The following RNASEH1 variants were observed in gnomAD, a reference collection of about 807,000 sequenced individuals.
RNASEH1 encodes the protein ribonuclease H type II.
Under a neutral mutation model 34.6 loss-of-function variants are expected in RNASEH1, and 27 were observed. The ratio of observed to expected loss-of-function variants is 0.78; its 90% CI spans 0.58 to 1.08. The LOEUF (loss-of-function observed/expected upper bound fraction) is 1.08. Ranked by LOEUF, RNASEH1 falls within the 50% of genes least tolerant of loss-of-function variation. RNASEH1 has a pLI of 0.00. For missense variants in RNASEH1, 349 were observed against 373.6 expected, an observed-to-expected ratio of 0.93 and a Z score of 0.54; for synonymous variants, 162 against 138.4, an observed-to-expected ratio of 1.17 and a Z score of -1.20.
At chr2:3,554,862 C>T (rs1660329945) in intron 2 of RNASEH1, among the ~76,000 whole-genome samples, 1 of 152,220 alleles carries the variant, frequency 6.6e-6, no homozygotes, top group African/African-American at 2.4e-5. Context: ...CTGATTTTTC[C>T]ATCTGGGTAG....
chr2:3,557,845 T>C (rs771015525), intron 1 of RNASEH1: 32 of 1,416,968 alleles, frequency 2.3e-5, no homozygotes, highest in Non-Finnish European at 2.7e-5. Context: ...GCACTTTAAC[T>C]GCAACAAAGA....
In RNASEH1 at chr2:3,542,276, AACACATG is replaced by A. The variant is rs1330656908; in HGVS notation, c.*3502_*3508del. The stretch of plus-strand genomic sequence containing the variant: ...AATATGGACCAGGACAACCAATACC[AACACATG>A]ACACATTCGAATAAAACGGCCGACT... On this transcript the variant is annotated 3_prime_UTR_variant, in exon 8 of 8. Coordinates refer to ENST00000315212, the MANE Select transcript of RNASEH1 (RefSeq NM_002936.6). Among the ~76,000 whole-genome samples, 1 of 152,204 alleles carries A rather than the reference AACACATG, an allele frequency of 6.6e-6. No homozygotes were observed. The highest frequency in any genetic ancestry group is 1.5e-5 in the Non-Finnish European group (1 of 68,050).
intron 4 of RNASEH1, among the ~76,000 whole-genome samples, chr2:3,549,439 T>C (rs999805981): frequency 6.6e-6 from 1 of 152,132 alleles, no homozygotes; most frequent in East Asian, 1.9e-4. Flanking sequence ...AGATTGAAAC[T>C]ACTAAAAACC....
chr2:3,549,650 C>A (rs912004318), intron 4 of RNASEH1, among the ~76,000 whole-genome samples: 22 of 149,232 alleles, frequency 1.5e-4, no homozygotes, highest in Non-Finnish European at 4.5e-5. Context: ...GAAATTTGAG[C>A]CCAGCCTGGG....
At position 3,542,445 on chromosome 2, in the gene RNASEH1, A is replaced by C. The variant is rs2103284672; in HGVS notation, c.*3340T>G. ...AAAACAGAATAAAACAAGATACTCA[A>C]AGAAAATCTGGGCCAAGAATTTCGT... is the stretch of plus-strand genomic sequence containing the variant. On this transcript the variant is annotated 3_prime_UTR_variant, in exon 8 of 8. Coordinates refer to ENST00000315212, the MANE Select transcript of RNASEH1 (RefSeq NM_002936.6). Among the ~76,000 whole-genome samples, 1 of 152,350 alleles carries C rather than the reference A, an allele frequency of 6.6e-6. No individual in the cohort carries two copies. The highest frequency in any genetic ancestry group is 2.1e-4 in the South Asian group (1 of 4,830).
the RNASEH1 span, among the ~76,000 whole-genome samples, chr2:3,536,112 A>C: frequency 1.4e-4 from 22 of 152,234 alleles, no homozygotes; most frequent in Admixed American, 1.3e-3. Flanking sequence ...GGGCCCAGAG[A>C]CTAGAGCAGG....
chr2:3,551,778 T>C (rs570410049), intron 3 of RNASEH1, among the ~76,000 whole-genome samples: 3 of 152,302 alleles, frequency 2.0e-5, no homozygotes, highest in Admixed American at 6.5e-5. Flanking sequence ...AGATTGAATA[T>C]GAAAGGTTAA....
chr2:3,551,157 T>A (rs1020934526), intron 3 of RNASEH1, among the ~76,000 whole-genome samples: 7 of 152,164 alleles, frequency 4.6e-5, no homozygotes, highest in Non-Finnish European at 1.0e-4. Flanking sequence ...GAAGTGGAAG[T>A]ACTTGTCCGA....
chr2:3,531,957 G>A, the RNASEH1 span: 10 of 349,028 alleles, frequency 2.9e-5, no homozygotes, highest in East Asian at 2.4e-4. Context: ...TGTACCTGCC[G>A]TATAGCTGAG....
the RNASEH1 span, among the ~76,000 whole-genome samples, chr2:3,535,980 C>A: frequency 7.9e-5 from 12 of 152,282 alleles, no homozygotes; most frequent in African/African-American, 2.9e-4. Context: ...CTGTCGGTCC[C>A]GGCCACGAGA....
chr2:3,536,282 T>C, the RNASEH1 span, among the ~76,000 whole-genome samples: 1 of 152,022 alleles, frequency 6.6e-6, no homozygotes, highest in Non-Finnish European at 1.5e-5. Flanking sequence ...CGGCCTAGAG[T>C]CAGAGGAGCT....
At chr2:3,556,066 C>T (rs934694425) in intron 2 of RNASEH1, among the ~76,000 whole-genome samples, 10 of 151,930 alleles carry the variant, frequency 6.6e-5, no homozygotes, top group African/African-American at 2.4e-4. Flanking sequence ...CCCAGCTACT[C>T]CGGAAGCTGA....
Position 3,554,823 on chromosome 2 carries a change from A to G in RNASEH1, c.244+1966T>C, listed in dbSNP as rs369972838. Among the ~76,000 whole-genome samples the G allele has an allele frequency of 3.9e-5, 6 of 152,254 alleles. No homozygotes were observed. In the East Asian group the frequency reaches 9.6e-4, roughly 24 times the overall value. On this transcript the variant is annotated intron_variant, in intron 2 of 7. Transcript: ENST00000315212. ...GAACCCAGCAAAGAAGGAAAAAGCC[A>G]TATTTTCAAACCTGCTTTCTGTCTC...
rs1257249554 is a variant in RNASEH1, at chr2:3,544,281, T to G, written c.*1504A>C. 1.3e-5 allele frequency among the ~76,000 whole-genome samples: 2 copies of G among 152,152 alleles called. No homozygotes were observed. Among genetic ancestry groups the G allele is most frequent in the Non-Finnish European group, 2.9e-5 (2 of 68,030 alleles). On this transcript the variant is annotated 3_prime_UTR_variant, in exon 8 of 8. Coordinates refer to ENST00000315212, the MANE Select transcript of RNASEH1 (RefSeq NM_002936.6). ...TCAAATTTGAGGCTCATCAAGCCTC[T>G]GGACCCAGCTGCCAATGTGCAGGAA...
At chr2:3,548,749 T>C in intron 5 of RNASEH1, 25 bp from the exon 6 acceptor site, 2 of 1,563,392 alleles carry the variant, frequency 1.3e-6, no homozygotes, top group Non-Finnish European at 1.8e-6. Context: ...TCGATAGTCA[T>C]GCTACAGAAA....
In RNASEH1 at chr2:3,544,597, G is replaced by A. The variant is rs1395678344; in HGVS notation, c.*1188C>T. Among the ~76,000 whole-genome samples the A allele has an allele frequency of 6.6e-6, 1 of 151,308 alleles. No individual in the cohort carries two copies. Among genetic ancestry groups the A allele is most frequent in the East Asian group, 1.9e-4 (1 of 5,202 alleles). The stretch of plus-strand genomic sequence containing the variant: ...AGGGCTGTGGCTGGAGGGGCACTTG[G>A]GAGAGCCTCCTGGGGTATCTGGCAA... On this transcript the variant is annotated 3_prime_UTR_variant, in exon 8 of 8. Coordinates refer to ENST00000315212, the MANE Select transcript of RNASEH1 (RefSeq NM_002936.6).
chr2:3,556,258 CCA>C (rs1660482960), intron 2 of RNASEH1, among the ~76,000 whole-genome samples: 1 of 151,426 alleles, frequency 6.6e-6, no homozygotes, highest in Non-Finnish European at 1.5e-5. Context: ...ATGGAAAGAA[CCA>C]CACTCATTCC....
intron 4 of RNASEH1, 130 bp downstream of exon 4, chr2:3,550,243 T>C: frequency 1.4e-6 from 1 of 719,278 alleles, no homozygotes; most frequent in Non-Finnish European, 2.5e-6. Flanking sequence ...CCAAAGCTGC[T>C]CCTCTGCCAC....
At chr2:3,551,692 T>C (rs1659928446) in intron 3 of RNASEH1, among the ~76,000 whole-genome samples, 2 of 152,250 alleles carry the variant, frequency 1.3e-5, no homozygotes, top group South Asian at 4.1e-4. Context: ...CATAACTGAT[T>C]CCTGGAGTGA....
Sources: allele counts gnomAD v4.1 joint callset (sites outside exome capture counted in the v4.1 genomes callset), GRCh38; gene constraint gnomAD v4.1.1; transcripts MANE v1.5; gene names NCBI Gene and HGNC (gene_info 2026-07-23, HGNC 2026-07-21).